RTN3: variants seen among roughly 807,000 people sequenced by gnomAD.
RTN3 encodes reticulon 3, also known as reticulon-3.
Under a neutral mutation model 77.8 loss-of-function variants are expected in RTN3, and 49 were observed. That is an observed-to-expected ratio of 0.63 (90% confidence interval 0.50 to 0.80). The LOEUF (loss-of-function observed/expected upper bound fraction) is 0.80, where lower values mean the gene tolerates loss of function less well. RTN3 is among the 30% of genes least tolerant of loss of function. The pLI is 0.00. For synonymous variants in RTN3, 464 were observed against 446.9 expected (o/e 1.04, Z -0.48); for missense variants, 1,236 against 1,211.9 (o/e 1.02, Z -0.29).
intron 3 of RTN3, among the ~76,000 whole-genome samples, chr11:63,732,716 A>G (rs576192640): frequency 6.6e-6 from 1 of 152,348 alleles, no homozygotes; most frequent in East Asian, 1.9e-4. Flanking sequence ...TTCCACAAAG[A>G]AAATTCCAGG....
chr11:63,686,884 C>T (rs186359740), intron 1 of RTN3, among the ~76,000 whole-genome samples: 5 of 152,154 alleles, frequency 3.3e-5, no homozygotes, highest in African/African-American at 1.2e-4. Flanking sequence ...AATAAAACTA[C>T]ATTTTATATG....
In RTN3 at chr11:63,681,689, T is replaced by C. The variant is rs1357812718; in HGVS notation, c.53T>C (p.Phe18Ser). 1.2e-6 allele frequency: 2 copies of C among 1,611,316 alleles called. No individual in the cohort carries two copies. The highest frequency in any genetic ancestry group is 1.7e-6 in the Non-Finnish European group (2 of 1,178,924). The change falls in exon 1 of 9, where the codon TTC (phenylalanine) becomes TCC (serine). Residue 18 changes from phenylalanine to serine, a missense_variant. By Grantham distance (155) the Phe-to-Ser change is radical. Transcript: ENST00000377819. ...TCCCATTCCATCTCCTCGTCGTCCT[T>C]CGGAGCCGAGCCGTCCGCGCCCGGC... ...TQSHSISSSS[F>S]GAEPSAPGGG...
chr11:63,740,048 T>C (rs746392333), intron 3 of RTN3, among the ~76,000 whole-genome samples: 1 of 152,188 alleles, frequency 6.6e-6, no homozygotes, highest in African/African-American at 2.4e-5. Context: ...TTCAAATTAC[T>C]ACCTACATGT....
At chr11:63,685,567 G>GT (rs2134609227) in intron 1 of RTN3, among the ~76,000 whole-genome samples, 1 of 150,922 alleles carries the variant, frequency 6.6e-6, no homozygotes, top group East Asian at 1.9e-4. Context: ...CTTGCTGGAT[G>GT]TTTTTCTTCA....
At chr11:63,705,226 A>AC (rs776797904) in intron 2 of RTN3, among the ~76,000 whole-genome samples, 2 of 152,156 alleles carry the variant, frequency 1.3e-5, no homozygotes, top group Non-Finnish European at 2.9e-5. Context: ...AGTTGCTCAC[A>AC]CCTGTAATCT....
chr11:63,739,777 GT>G (rs752716212), intron 3 of RTN3, among the ~76,000 whole-genome samples: 13 of 152,274 alleles, frequency 8.5e-5, no homozygotes, highest in Non-Finnish European at 1.9e-4. Context: ...ACATAAAAAT[GT>G]TTAAGACTCT....
chr11:63,685,145 A>G (rs931264516), intron 1 of RTN3, among the ~76,000 whole-genome samples: 1 of 152,136 alleles, frequency 6.6e-6, no homozygotes, highest in African/African-American at 2.4e-5. Context: ...GGTGGGCCCA[A>G]TGCAAGATCC....
At position 63,712,392 on chromosome 11, in the gene RTN3, G is replaced by C. The variant is rs932295291; in HGVS notation, c.200-6310G>C. Among the ~76,000 whole-genome samples the C allele has an allele frequency of 2.0e-5, 3 of 151,968 alleles. No individual in the cohort carries two copies. The East Asian group carries it at 5.8e-4, about 29-fold the overall frequency. ...ATTTAATCCTCACAGCAGTTCTAAA[G>C]TTAGGTGCTTTAATTTTCCCATTTT... On this transcript the variant is annotated intron_variant, in intron 2 of 8. Transcript: ENST00000377819.
intron 1 of RTN3, among the ~76,000 whole-genome samples, chr11:63,683,776 C>T (rs1325374331): frequency 6.6e-6 from 1 of 151,976 alleles, no homozygotes; most frequent in African/African-American, 2.4e-5. Flanking sequence ...ATTTTTTGCA[C>T]TTCTCTTTAT....
intron 4 of RTN3, among the ~76,000 whole-genome samples, chr11:63,752,228 AT>A (rs530888833): frequency 6.6e-6 from 1 of 151,402 alleles, no homozygotes; most frequent in Non-Finnish European, 1.5e-5. Context: ...TTATAAATGG[AT>A]TTACCTTCAT....
chr11:63,757,822 C>T (rs769520941), intron 8 of RTN3, among the ~76,000 whole-genome samples: 13 of 149,948 alleles, frequency 8.7e-5, no homozygotes, highest in Non-Finnish European at 1.6e-4. Context: ...CGGGTTCAAG[C>T]GATTATCCTT....
chr11:63,724,560 C>T (rs370058861), intron 3 of RTN3, among the ~76,000 whole-genome samples: 3 of 139,422 alleles, frequency 2.2e-5, no homozygotes, highest in African/African-American at 8.1e-5. Context: ...GGCACGATCT[C>T]GGGTCACTGC....
At chr11:63,692,283 A>G (rs768772813) in intron 1 of RTN3, among the ~76,000 whole-genome samples, 1 of 152,064 alleles carries the variant, frequency 6.6e-6, no homozygotes, top group Non-Finnish European at 1.5e-5. Flanking sequence ...TCGGCCTCCA[A>G]AAGTGCTGGG....
Position 63,681,571 on chromosome 11 carries a change from A to T in RTN3, c.-66A>T, listed in dbSNP as rs1421127610. 6.8e-7 allele frequency: 1 copy of T among 1,460,558 alleles called. No homozygotes were observed. The highest frequency in any genetic ancestry group is 9.2e-7 in the Non-Finnish European group (1 of 1,089,360). 90.5% of individuals were successfully genotyped at this position (1,460,558 alleles called of 1,614,324 possible). A position where few individuals can be genotyped will look rare whatever the true frequency, so the allele number is the denominator to read the frequency against. ...AGCGAGCCAGTTGCCGGATTATTCT[A>T]TTTCCCCTCCCTCTCTCCCGCCCCG... On this transcript the variant is annotated 5_prime_UTR_variant, in exon 1 of 9. Coordinates refer to ENST00000377819, the MANE Select transcript of RTN3 (RefSeq NM_001265589.2).
chr11:63,711,783 C>T (rs973926966), intron 2 of RTN3, among the ~76,000 whole-genome samples: 1 of 152,218 alleles, frequency 6.6e-6, no homozygotes, highest in East Asian at 1.9e-4. Flanking sequence ...AGGCTGGTCT[C>T]GAGATCCCAA....
At position 63,720,929 on chromosome 11, in the gene RTN3, C is replaced by T; in HGVS notation, c.2427C>T (p.Pro809=). Residue 809 remains proline, a synonymous_variant, in exon 3 of 9, where the codon CCC becomes CCT. Coordinates refer to ENST00000377819, the MANE Select transcript of RTN3 (RefSeq NM_001265589.2). ...NGSDLGISQK[P]ITIRETTRVD... is the part of the protein sequence containing the mutation. ...CTGATCTTGGGATTTCCCAGAAGCC[C>T]ATCACTATCAGAGAAACTACTAGGG... 1 of 1,614,036 alleles carries T rather than the reference C, an allele frequency of 6.2e-7. No individual in the cohort carries two copies. The highest frequency in any genetic ancestry group is 8.5e-7 in the Non-Finnish European group (1 of 1,180,000).
chr11:63,708,804 T>TTA (rs1942613509), intron 2 of RTN3, among the ~76,000 whole-genome samples: 1 of 152,218 alleles, frequency 6.6e-6, no homozygotes, highest in South Asian at 2.1e-4. Flanking sequence ...CAAGCAACAA[T>TTA]TATATTTCAG....
chr11:63,712,758 T>C (rs2011195883), intron 2 of RTN3, among the ~76,000 whole-genome samples: 1 of 152,088 alleles, frequency 6.6e-6, no homozygotes, highest in East Asian at 1.9e-4. Flanking sequence ...GTGCTGGGAT[T>C]ACAGGCGTGA....
intron 1 of RTN3, among the ~76,000 whole-genome samples, chr11:63,693,725 A>T (rs1941787019): frequency 6.6e-6 from 1 of 152,226 alleles, no homozygotes; most frequent in Non-Finnish European, 1.5e-5. Context: ...GTTTAAGGTT[A>T]GCCTCTTTTA....
Sources: allele counts gnomAD v4.1 joint callset (sites outside exome capture counted in the v4.1 genomes callset), GRCh38; gene constraint gnomAD v4.1.1; transcripts MANE v1.5; gene names NCBI Gene and HGNC (gene_info 2026-07-23, HGNC 2026-07-21).